EMID1: variants seen among roughly 807,000 people sequenced by gnomAD.
The protein encoded by EMID1 is EMI domain-containing protein 1.
In EMID1, 40 loss-of-function variants were observed where a neutral mutation model predicts 60.6. That is an observed-to-expected ratio of 0.66 (90% CI 0.51 to 0.86). The LOEUF (loss-of-function observed/expected upper bound fraction) is 0.86. EMID1 is among the 40% of genes least tolerant of loss of function. The pLI is 0.00. For synonymous variants in EMID1, 242 were observed against 231.0 expected (o/e 1.05, Z -0.43); for missense variants, 585 against 597.1 (o/e 0.98, Z 0.21).
At chr22:29,215,187 C>T in intron 2 of EMID1, 148 bp downstream of exon 2, 4 of 1,420,106 alleles carry the variant, frequency 2.8e-6, no homozygotes, top group South Asian at 1.6e-5. Context: ...ACACCATTCT[C>T]AGCCTATCCC....
chr22:29,239,618 CT>C (rs1447712490), intron 12 of EMID1, among the ~76,000 whole-genome samples: 1 of 152,108 alleles, frequency 6.6e-6, no homozygotes, highest in Non-Finnish European at 1.5e-5. Context: ...GTGTTTTTGC[CT>C]TTTAGTATGC....
At position 29,246,630 on chromosome 22, in the gene EMID1, C is replaced by T. The variant is rs1053411929; in HGVS notation, c.1119+3141C>T. ...AGGCTGAGTTTTGTCTGTGGACCAA[C>T]GGGAGGAGTCTGTGTTACAGCCAAG... On this transcript the variant is annotated intron_variant, in intron 13 of 14. Transcript: ENST00000334018. Among the ~76,000 whole-genome samples, 7 of 152,096 alleles carry T rather than the reference C, an allele frequency of 4.6e-5. 1 individual carries two copies. The highest frequency in any genetic ancestry group is 4.1e-4 in the South Asian group (2 of 4,824).
chr22:29,231,409 C>G, intron 6 of EMID1, 184 bp from the exon 7 acceptor site: 1 of 821,994 alleles, frequency 1.2e-6, no homozygotes, highest in Non-Finnish European at 2.1e-6. Flanking sequence ...AGCCTCCCTC[C>G]TCCAGGCCCA....
At chr22:29,216,477 A>G in intron 3 of EMID1, 1 of 985,482 alleles carries the variant, frequency 1.0e-6, no homozygotes. Context: ...AACCAGGCCC[A>G]GAGACAGCTC....
intron 14 of EMID1, among the ~76,000 whole-genome samples, chr22:29,256,157 A>T (rs1454879563): frequency 1.3e-5 from 2 of 152,062 alleles, no homozygotes; most frequent in Non-Finnish European, 2.9e-5. Flanking sequence ...CCTCCATATC[A>T]TGTCCAACCT....
At chr22:29,257,575 T>C (rs2857463) in intron 14 of EMID1, among the ~76,000 whole-genome samples, 148,240 of 152,252 alleles carry the variant, frequency 0.97, 72,178 homozygotes, top group Middle Eastern at 1. Context: ...TTGCTGACTC[T>C]GCCACTCATC....
chr22:29,244,662 G>T (rs112234878), intron 13 of EMID1, among the ~76,000 whole-genome samples: 3 of 145,354 alleles, frequency 2.1e-5, no homozygotes, highest in African/African-American at 7.8e-5. Flanking sequence ...GAAAAGAAAA[G>T]AAAATAGAAA....
intron 13 of EMID1, among the ~76,000 whole-genome samples, chr22:29,245,647 T>C (rs1178770414): frequency 6.6e-6 from 1 of 152,202 alleles, no homozygotes; most frequent in Non-Finnish European, 1.5e-5. Flanking sequence ...AGGGCTCCTA[T>C]GTACACTTCA....
chr22:29,212,308 T>A lies in EMID1; in HGVS notation c.102-2618T>A, dbSNP rs528829482. Among the ~76,000 whole-genome samples, 24 of 151,950 alleles carry A rather than the reference T, an allele frequency of 1.6e-4. No individual in the cohort carries two copies. The East Asian group carries it at 2.1e-3, about 14-fold the overall frequency. Reference sequence around the variant, plus strand: ...GACCCTTTTTTTTAATTAAAAAAAATTTTTTTATAGAGATGGGGTTCTCAC... The same window carrying A: ...GACCCTTTTTTTTAATTAAAAAAAAATTTTTTATAGAGATGGGGTTCTCAC... On this transcript the variant is annotated intron_variant, in intron 1 of 14. Coordinates refer to ENST00000334018, the MANE Select transcript of EMID1 (RefSeq NM_133455.4).
At position 29,213,549 on chromosome 22, in the gene EMID1, G is replaced by C. The variant is rs540784273; in HGVS notation, c.102-1377G>C. Among the ~76,000 whole-genome samples, 7 of 152,294 alleles carry C rather than the reference G, an allele frequency of 4.6e-5. No homozygotes were observed. In the South Asian group the frequency reaches 1.5e-3, roughly 32 times the overall value. On this transcript the variant is annotated intron_variant, in intron 1 of 14. Transcript: ENST00000334018. The stretch of plus-strand genomic sequence containing the variant: ...TCCTGGCCCAGGAGTTTCTCCTTCT[G>C]GTGGTCTGGGGTGGGGGCAGGGCTG...
chr22:29,231,786 C>A, intron 7 of EMID1, 104 bp downstream of exon 7: 1 of 1,140,318 alleles, frequency 8.8e-7, no homozygotes, highest in Non-Finnish European at 1.2e-6. Flanking sequence ...GCCCTTTCAT[C>A]TACTTGCCTC....
rs1356039116 is a variant in EMID1, at chr22:29,216,778, G to A, written c.319+1148G>A. The A allele has an allele frequency of 2.5e-5, 14 of 567,998 alleles. No homozygotes were observed. The South Asian group carries it at 4.5e-4, about 18-fold the overall frequency. The allele number at this position is 567,998 out of a possible 1,614,324, so 35.2% of individuals were successfully genotyped here. A position where few individuals can be genotyped will look rare whatever the true frequency, so the allele number is the denominator to read the frequency against. The stretch of plus-strand genomic sequence containing the variant: ...GGGGATGGGGTTCAGAACTCACCAC[G>A]CAGTGGGGAGGGGTCTGGCAGGTTC... On this transcript the variant is annotated intron_variant, in intron 3 of 14. Coordinates refer to ENST00000334018, the MANE Select transcript of EMID1 (RefSeq NM_133455.4).
chr22:29,230,339 A>AGG (rs1366527250), intron 5 of EMID1, among the ~76,000 whole-genome samples: 9 of 151,154 alleles, frequency 6.0e-5, no homozygotes, highest in East Asian at 3.9e-4. Context: ...CATCTTGGAA[A>AGG]AAAAAAAAAC....
rs779880259 is a variant in EMID1, at chr22:29,215,624, G to A, written c.313G>A (p.Glu105Lys). The A allele has an allele frequency of 1.6e-5, 26 of 1,613,810 alleles. No homozygotes were observed. Among genetic ancestry groups the A allele is most frequent in the South Asian group, 6.6e-5 (6 of 91,086 alleles). Residue 105 changes from glutamate (E) to lysine (K), a missense_variant, in exon 3 of 15, where the codon GAG becomes AAG. Physicochemically the swap from Glu to Lys is moderately conservative, Grantham distance 56 (BLOSUM62 1). Transcript: ENST00000334018. ...CCCTGGGCACTCAGGAGTGAGCTGC[G>A]AGGAAGGTAGGACTGCCCGGCCGGC... is the stretch of plus-strand genomic sequence containing the variant. ...CCPGHSGVSC[E>K]EVAASSASLE...
At chr22:29,231,860 T>A (rs1395252891) in intron 7 of EMID1, 178 bp downstream of exon 7, 4 of 609,584 alleles carry the variant, frequency 6.6e-6, no homozygotes, top group Non-Finnish European at 8.2e-6. Flanking sequence ...TCCTCTCTTA[T>A]GTTCACTGAC....
chr22:29,239,603 A>G (rs1374841101), intron 12 of EMID1, among the ~76,000 whole-genome samples: 1 of 152,332 alleles, frequency 6.6e-6, no homozygotes, highest in African/African-American at 2.4e-5. Flanking sequence ...GAATCTCTTC[A>G]AACTGTGTTT....
intron 3 of EMID1, chr22:29,216,712 C>T (rs1006782340): frequency 6.3e-6 from 6 of 957,912 alleles, no homozygotes; most frequent in African/African-American, 3.5e-5. Flanking sequence ...GTGACTGAGG[C>T]CCAGTGAGGT....
In EMID1 at chr22:29,215,169, A is replaced by G; in HGVS notation, c.215+130A>G. 2.1e-6 allele frequency: 3 copies of G among 1,422,134 alleles called. No homozygotes were observed. In the African/African-American group the frequency reaches 4.3e-5, roughly 20 times the overall value. 88.1% of individuals were successfully genotyped at this position (1,422,134 alleles called of 1,614,324 possible). A position where few individuals can be genotyped will look rare whatever the true frequency, so the allele number is the denominator to read the frequency against. On this transcript the variant is annotated intron_variant, in intron 2 of 14. Transcript: ENST00000334018. ...CCAGGGTGGGCGGAGCAAAGGTAGCATCAGCCGACACCATTCTCAGCCTAT... is the reference window on the plus strand; with the variant it reads ...CCAGGGTGGGCGGAGCAAAGGTAGCGTCAGCCGACACCATTCTCAGCCTAT...
At chr22:29,243,565 A>C in intron 13 of EMID1, 76 bp downstream of exon 13, 1 of 1,552,944 alleles carries the variant, frequency 6.4e-7, no homozygotes, top group East Asian at 2.2e-5. Flanking sequence ...CCTCCCCAGG[A>C]GGCCCTGGGA....
Sources: allele counts gnomAD v4.1 joint callset (sites outside exome capture counted in the v4.1 genomes callset), GRCh38; gene constraint gnomAD v4.1.1; transcripts MANE v1.5; gene names NCBI Gene and HGNC (gene_info 2026-07-23, HGNC 2026-07-21).